TAF4B: variants seen among roughly 807,000 people sequenced by gnomAD.
TAF4B encodes TATA-box binding protein associated factor 4b.
Under a neutral mutation model 86.4 loss-of-function variants are expected in TAF4B, and 38 were observed. The observed-to-expected ratio is 0.44, with a 90% CI of 0.34 to 0.58. The LOEUF is 0.58. TAF4B is among the 20% of genes least tolerant of loss of function. TAF4B has a pLI of 0.02. For missense variants in TAF4B, 988 were observed against 1,027.6 expected (o/e 0.96, Z 0.53); for synonymous variants, 388 against 391.2 (o/e 0.99, Z 0.10).
intron 5 of TAF4B, 117 bp from the exon 6 acceptor site, chr18:26,281,854 T>C: frequency 3.0e-6 from 2 of 668,674 alleles, no homozygotes; most frequent in Non-Finnish European, 5.0e-6. Flanking sequence ...AAGCCTATAT[T>C]TAATTGACTT....
At chr18:26,229,815 A>G (rs2055636856) in intron 1 of TAF4B, among the ~76,000 whole-genome samples, 1 of 152,060 alleles carries the variant, frequency 6.6e-6, no homozygotes, top group African/African-American at 2.4e-5. Context: ...ATCTTGTACT[A>G]TTTCCTTTGC....
intron 3 of TAF4B, among the ~76,000 whole-genome samples, chr18:26,268,190 A>G (rs889245706): frequency 1.3e-5 from 2 of 152,160 alleles, no homozygotes; most frequent in Non-Finnish European, 2.9e-5. Flanking sequence ...AGGCTGTCTA[A>G]TATCATTCCT....
chr18:26,370,880 T>G (rs2057401444), intron 14 of TAF4B, among the ~76,000 whole-genome samples: 1 of 152,116 alleles, frequency 6.6e-6, no homozygotes, highest in African/African-American at 2.4e-5. Flanking sequence ...GAAAGTGAAA[T>G]TGAGATAGAT....
chr18:26,375,148 T>C (rs2057434304), intron 14 of TAF4B, among the ~76,000 whole-genome samples: 1 of 152,200 alleles, frequency 6.6e-6, no homozygotes, highest in Non-Finnish European at 1.5e-5. Flanking sequence ...TTCTAGGCAT[T>C]CATACAAACG....
intron 14 of TAF4B, among the ~76,000 whole-genome samples, chr18:26,369,354 G>A (rs1300478989): frequency 4.7e-4 from 72 of 152,166 alleles, no homozygotes; most frequent in Non-Finnish European, 8.8e-5. Context: ...AAAGAAATAA[G>A]CAATGATAAA....
intron 1 of TAF4B, among the ~76,000 whole-genome samples, chr18:26,262,718 T>TG (rs2056187189): frequency 6.6e-6 from 1 of 152,160 alleles, no homozygotes; most frequent in East Asian, 1.9e-4. Context: ...TGGCCTCAAG[T>TG]GATCTGCCTG....
At chr18:26,370,714 G>A (rs1053677989) in intron 14 of TAF4B, among the ~76,000 whole-genome samples, 30 of 152,084 alleles carry the variant, frequency 2.0e-4, no homozygotes, top group African/African-American at 7.2e-4. Context: ...GTAGGTTCAG[G>A]GTAGAAGGAA....
intron 1 of TAF4B, among the ~76,000 whole-genome samples, chr18:26,241,500 G>T (rs145761677): frequency 6.6e-6 from 1 of 151,812 alleles, no homozygotes; most frequent in African/African-American, 2.4e-5. Context: ...TCTTGCTAGC[G>T]GACTATTAAT....
At chr18:26,359,198 A>G (rs575795441) in intron 14 of TAF4B, among the ~76,000 whole-genome samples, 99 of 152,288 alleles carry the variant, frequency 6.5e-4, no homozygotes, top group African/African-American at 2.3e-3. Context: ...ATTTACTTCC[A>G]TACTTTTTAA....
chr18:26,350,790 C>A (rs2057238797), intron 13 of TAF4B, among the ~76,000 whole-genome samples: 1 of 152,086 alleles, frequency 6.6e-6, no homozygotes, highest in Non-Finnish European at 1.5e-5. Context: ...TGTCACTAAT[C>A]ATCAGAGAAA....
At chr18:26,291,648 A>G (rs866836465) in intron 7 of TAF4B, among the ~76,000 whole-genome samples, 35 of 147,870 alleles carry the variant, frequency 2.4e-4, no homozygotes, top group African/African-American at 8.7e-4. Context: ...CAGAGGTTGC[A>G]GTGAGCTGAG....
At chr18:26,307,198 C>T (rs1417469910) in intron 9 of TAF4B, among the ~76,000 whole-genome samples, 2 of 152,146 alleles carry the variant, frequency 1.3e-5, no homozygotes, top group Non-Finnish European at 2.9e-5. Flanking sequence ...CTTGACCAAA[C>T]TGTATGACAT....
intron 13 of TAF4B, among the ~76,000 whole-genome samples, chr18:26,356,296 G>A (rs766916997): frequency 1.3e-5 from 2 of 152,106 alleles, no homozygotes; most frequent in African/African-American, 2.4e-5. Context: ...AGTCACCCTG[G>A]GTGTTAGGAT....
intron 9 of TAF4B, among the ~76,000 whole-genome samples, chr18:26,313,949 GTAGCCACTGC>G (rs2056876898): frequency 6.6e-6 from 1 of 152,042 alleles, no homozygotes; most frequent in Non-Finnish European, 1.5e-5. Context: ...ATTACAGATG[GTAGCCACTGC>G]TCCTGGCCTA....
At chr18:26,236,935 G>A (rs1287045392) in intron 1 of TAF4B, among the ~76,000 whole-genome samples, 1 of 152,146 alleles carries the variant, frequency 6.6e-6, no homozygotes, top group African/African-American at 2.4e-5. Context: ...GGTGACAGGG[G>A]AGTATATTTT....
At chr18:26,376,141 G>T (rs1362744113) in intron 14 of TAF4B, among the ~76,000 whole-genome samples, 1 of 150,764 alleles carries the variant, frequency 6.6e-6, no homozygotes, top group Non-Finnish European at 1.5e-5. Flanking sequence ...GGAAGTGTGA[G>T]TCTATTTGTT....
At chr18:26,236,129 G>T (rs1410056214) in intron 1 of TAF4B, among the ~76,000 whole-genome samples, 1 of 152,154 alleles carries the variant, frequency 6.6e-6, no homozygotes, top group African/African-American at 2.4e-5. Context: ...CAACAAATGG[G>T]TAACTTGTTA....
chr18:26,324,662 TC>T (rs1310671143), intron 11 of TAF4B, among the ~76,000 whole-genome samples: 1 of 152,186 alleles, frequency 6.6e-6, no homozygotes, highest in Non-Finnish European at 1.5e-5. Flanking sequence ...AGCTAACACT[TC>T]CTTAACCTGC....
chr18:26,380,775 AATAAC>A (rs2057472884), intron 14 of TAF4B, among the ~76,000 whole-genome samples: 1 of 152,030 alleles, frequency 6.6e-6, no homozygotes, highest in Non-Finnish European at 1.5e-5. Context: ...GTCTCTTATA[AATAAC>A]ATATAATTGA....
Sources: allele counts gnomAD v4.1 joint callset (sites outside exome capture counted in the v4.1 genomes callset), GRCh38; gene constraint gnomAD v4.1.1; transcripts MANE v1.5; gene names NCBI Gene and HGNC (gene_info 2026-07-23, HGNC 2026-07-21).